The following CCDC33 variants were observed in gnomAD, a reference collection of about 807,000 sequenced individuals.
The protein encoded by CCDC33 is coiled-coil domain-containing protein 33.
In CCDC33, 94 loss-of-function variants were observed where a neutral mutation model predicts 91.9. That is an observed-to-expected ratio of 1.02 (90% CI 0.87 to 1.21). The LOEUF (loss-of-function observed/expected upper bound fraction) is 1.21. Among genes scored for constraint, CCDC33 ranks in the 50% most tolerant of loss-of-function variants. The pLI is 0.00. For missense variants in CCDC33, 940 were observed against 935.5 expected (o/e 1.00, Z -0.06); for synonymous variants, 396 against 374.5 (o/e 1.06, Z -0.66).
At chr15:74,291,458 C>T (rs1487369681) in intron 10 of CCDC33, among the ~76,000 whole-genome samples, 1 of 152,248 alleles carries the variant, frequency 6.6e-6, no homozygotes, top group East Asian at 1.9e-4. Context: ...ACCTAATGAG[C>T]GGGATACAGG....
intron 2 of CCDC33, among the ~76,000 whole-genome samples, chr15:74,253,500 A>T (rs1339987016): frequency 6.6e-6 from 1 of 152,092 alleles, no homozygotes; most frequent in Non-Finnish European, 1.5e-5. Context: ...CAGCAGAAGG[A>T]GCTGCCCTGG....
rs2060092646 is a variant in CCDC33 at position 74,316,599 on chromosome 15, G to T, written c.1291-13590G>T. On this transcript the variant is annotated intron_variant, in intron 11 of 18. Coordinates refer to ENST00000398814, the MANE Select transcript of CCDC33 (RefSeq NM_025055.5). This position sits in a 1 kb window ranked among gnomAD's most constrained non-coding sequence, Gnocchi z 4.7. ...ACACACCCATTTCCCTGGTGGGGAG[G>T]CTGAGGGGCAGGAGCAGGAAGATTT... Among the ~76,000 whole-genome samples, 1 of 152,160 alleles carries T rather than the reference G, an allele frequency of 6.6e-6. No homozygotes were observed. Among genetic ancestry groups the T allele is most frequent in the Non-Finnish European group, 1.5e-5 (1 of 68,028 alleles).
At chr15:74,249,351 G>T (rs2142302339) in intron 2 of CCDC33, among the ~76,000 whole-genome samples, 1 of 152,142 alleles carries the variant, frequency 6.6e-6, no homozygotes, top group African/African-American at 2.4e-5. Flanking sequence ...AGCCGGGTGT[G>T]GTGGCGGGTG....
intron 2 of CCDC33, among the ~76,000 whole-genome samples, chr15:74,227,678 C>A (rs1235020024): frequency 6.6e-6 from 1 of 152,176 alleles, no homozygotes; most frequent in Non-Finnish European, 1.5e-5. Context: ...GGCCTTTCCA[C>A]CCTGTCTGAG....
chr15:74,303,718 G>C (rs1466531333), intron 11 of CCDC33: 1 of 152,806 alleles, frequency 6.5e-6, no homozygotes, highest in Admixed American at 6.5e-5. Context: ...AGGCAGGAAG[G>C]CTTCTCAGGG....
At chr15:74,216,946 C>T (rs80341097), upstream of CCDC33, among the ~76,000 whole-genome samples, 1 of 152,096 alleles carries the variant, frequency 6.6e-6, no homozygotes, top group Non-Finnish European at 1.5e-5. Flanking sequence ...ACCCACCTCC[C>T]CCACTAGAAG....
Position 74,219,987 on chromosome 15 carries a change from C to T in CCDC33, c.675+1126C>T, listed in dbSNP as rs140859327. 3.9e-5 allele frequency among the ~76,000 whole-genome samples: 6 copies of T among 152,184 alleles called. No homozygotes were observed. The East Asian group carries it at 1.2e-3, about 29-fold the overall frequency. ...GCATTGGTCTGGTGCTGAAGTGGAG[C>T]CCAGGTGGTGGACTGTCAGGCTGGG... On this transcript the variant is annotated intron_variant, in intron 2 of 2. Coordinates refer to the CCDC33 transcript ENST00000635913.
chr15:74,282,462 G>A (rs1346994767), intron 10 of CCDC33, among the ~76,000 whole-genome samples: 1 of 152,196 alleles, frequency 6.6e-6, no homozygotes. Context: ...GGCATGTCCA[G>A]TCCCTGTCAC....
chr15:74,240,841 C>T (rs1288711525), intron 1 of CCDC33, among the ~76,000 whole-genome samples: 1 of 152,224 alleles, frequency 6.6e-6, no homozygotes, highest in African/African-American at 2.4e-5. Context: ...GATTTGCCCG[C>T]CTCGGCCTCC....
rs1012591311 is a variant in CCDC33 at position 74,316,475 on chromosome 15, G to A, written c.1291-13714G>A. 4.6e-5 allele frequency among the ~76,000 whole-genome samples: 7 copies of A among 152,238 alleles called. No individual in the cohort carries two copies. The highest frequency in any genetic ancestry group is 2.1e-4 in the South Asian group (1 of 4,834). On this transcript the variant is annotated intron_variant, in intron 11 of 18. Transcript: ENST00000398814. The surrounding 1 kb of genome is among the most constrained non-coding windows in gnomAD (Gnocchi z 4.7). ...ATGGGAGCAGACTCAATCGATTGGC[G>A]CACAGCAGGCAGGGGAGGACAGGGC...
Position 74,256,240 on chromosome 15 carries a change from G to C in CCDC33, c.186-6200G>C, listed in dbSNP as rs79007624. Among the ~76,000 whole-genome samples, 1,440 of 152,298 alleles carry C rather than the reference G, an allele frequency of 9.5e-3. 27 individuals are homozygous for C. The highest frequency in any genetic ancestry group is 0.033 in the African/African-American group (1,383 of 41,556). On this transcript the variant is annotated intron_variant, in intron 2 of 18. Transcript: ENST00000398814. The stretch of plus-strand genomic sequence containing the variant: ...GGAGCCCCTCAGGAGGCTGGGCTCT[G>C]TGTCTGAGCCAGGGAGTGGCCCCAG...
chr15:74,240,568 G>C (rs1227089226), intron 1 of CCDC33, among the ~76,000 whole-genome samples: 1 of 152,166 alleles, frequency 6.6e-6, no homozygotes, highest in Non-Finnish European at 1.5e-5. Context: ...AGGTGGTACA[G>C]AGAGGTAGGG....
At chr15:74,314,410 C>G (rs1041686319) in intron 11 of CCDC33, among the ~76,000 whole-genome samples, 30 of 152,332 alleles carry the variant, frequency 2.0e-4, no homozygotes, top group Non-Finnish European at 5.9e-5. Context: ...GCTCACCCCT[C>G]CCCTAGAGAT....
At position 74,279,943 on chromosome 15, in the gene CCDC33, C is replaced by T; in HGVS notation, c.760-20C>T. The stretch of plus-strand genomic sequence containing the variant: ...GAGAAGCTGTGGCCCCCACCACCTG[C>T]TCCTACCCTCTCCCTCCAGCTGTCC... On this transcript the variant is annotated intron_variant, in intron 7 of 18. Coordinates refer to ENST00000398814, the MANE Select transcript of CCDC33 (RefSeq NM_025055.5). The T allele has an allele frequency of 1.2e-6, 2 of 1,612,680 alleles. No homozygotes were observed. Among genetic ancestry groups the T allele is most frequent in the Non-Finnish European group, 1.7e-6 (2 of 1,179,308 alleles).
At chr15:74,232,561 C>T (rs2075012597), upstream of CCDC33, among the ~76,000 whole-genome samples, 1 of 152,222 alleles carries the variant, frequency 6.6e-6, no homozygotes, top group Non-Finnish European at 1.5e-5. Flanking sequence ...TCCCCCATAT[C>T]TCCCTATCAC....
intron 11 of CCDC33, among the ~76,000 whole-genome samples, chr15:74,315,003 G>T (rs1050714650): frequency 6.6e-6 from 1 of 152,188 alleles, no homozygotes; most frequent in Non-Finnish European, 1.5e-5. Flanking sequence ...CCACCCCCGT[G>T]TGTCTGATGC....
chr15:74,230,998 G>A (rs2074954023), intron 2 of CCDC33, among the ~76,000 whole-genome samples: 1 of 152,184 alleles, frequency 6.6e-6, no homozygotes, highest in Admixed American at 6.5e-5. Context: ...AGAACTAGGT[G>A]CAGCAAGAGA....
At position 74,218,912 on chromosome 15, in the gene CCDC33, A is replaced by C. The variant is rs1595879125; in HGVS notation, c.675+51A>C. The stretch of plus-strand genomic sequence containing the variant: ...AGGTTCTGGGCTCACCGGGTACAAG[A>C]CCCAGCCTCCGTGATAAGCCAGGCT... On this transcript the variant is annotated intron_variant, in intron 2 of 2. Coordinates refer to the CCDC33 transcript ENST00000635913. The surrounding 1 kb of genome is among the most constrained non-coding windows in gnomAD (Gnocchi z 4.8). 7 of 1,194,606 alleles carry C rather than the reference A, an allele frequency of 5.9e-6. No homozygotes were observed. Among genetic ancestry groups the C allele is most frequent in the Non-Finnish European group, 7.4e-6 (7 of 944,090 alleles). The allele number at this position is 1,194,606 out of a possible 1,614,324, so 74.0% of individuals were successfully genotyped here.
At chr15:74,290,145 G>T (rs1447398644) in intron 10 of CCDC33, among the ~76,000 whole-genome samples, 1 of 151,484 alleles carries the variant, frequency 6.6e-6, no homozygotes, top group Non-Finnish European at 1.5e-5. Flanking sequence ...CCCAGCCAAG[G>T]TCATTCATTC....
Sources: allele counts gnomAD v4.1 joint callset (sites outside exome capture counted in the v4.1 genomes callset), GRCh38; gene constraint gnomAD v4.1.1; non-coding constraint Gnocchi (gnomAD v3.1); transcripts MANE v1.5; gene names NCBI Gene and HGNC (gene_info 2026-07-23, HGNC 2026-07-21).